The following DENND4C variants were observed in gnomAD, a reference collection of about 807,000 sequenced individuals.
The protein encoded by DENND4C is DENN domain containing 4C, also known as DENN domain-containing protein 4C.
A neutral mutation model predicts 203.0 loss-of-function variants in DENND4C; 108 were observed. That is an observed-to-expected ratio of 0.53 (90% CI 0.46 to 0.62). DENND4C has a LOEUF of 0.62. DENND4C is among the 20% of genes least tolerant of loss of function. The pLI is 0.00. For missense variants in DENND4C, 2,481 were observed against 2,301.2 expected, an observed-to-expected ratio of 1.08 and a Z score of -1.60; for synonymous variants, 871 against 792.4, an observed-to-expected ratio of 1.10 and a Z score of -1.67.
chr9:19,332,233 A>T, intron 17 of DENND4C, 49 bp downstream of exon 17: 1 of 1,560,042 alleles, frequency 6.4e-7, no homozygotes, highest in Middle Eastern at 1.7e-4. Context: ...TTATTTTTGT[A>T]CTTCTAATAA....
intron 5 of DENND4C, among the ~76,000 whole-genome samples, chr9:19,293,327 A>G (rs1836751201): frequency 6.6e-6 from 1 of 152,166 alleles, no homozygotes; most frequent in Non-Finnish European, 1.5e-5. Context: ...AAACTTTGAG[A>G]TCACTTTGAA....
At position 19,242,111 on chromosome 9, in the gene DENND4C, A is replaced by G. The variant is rs1191223830; in HGVS notation, c.-18+11278A>G. Among the ~76,000 whole-genome samples, 3 of 152,160 alleles carry G rather than the reference A, an allele frequency of 2.0e-5. No homozygotes were observed. The East Asian group carries it at 5.8e-4, about 29-fold the overall frequency. ...GCCTTTCCCCAAGCCCTTGGCAACT[A>G]CTGTTTTGTACTATTTCTATAGTTT... is the stretch of plus-strand genomic sequence containing the variant. On this transcript the variant is annotated intron_variant, in intron 1 of 32. Coordinates refer to ENST00000434457, the MANE Select transcript of DENND4C (RefSeq NM_001330640.2).
intron 1 of DENND4C, among the ~76,000 whole-genome samples, chr9:19,252,340 C>T (rs1331640949): frequency 6.6e-6 from 1 of 152,104 alleles, no homozygotes; most frequent in African/African-American, 2.4e-5. Flanking sequence ...AGGTTCCTCC[C>T]ATGACATGTG....
At chr9:19,342,400 G>C (rs533318253) in intron 21 of DENND4C, among the ~76,000 whole-genome samples, 6 of 152,156 alleles carry the variant, frequency 3.9e-5, no homozygotes, top group Non-Finnish European at 8.8e-5. Flanking sequence ...ATTCACTAAA[G>C]AACATTTATG....
At chr9:19,283,963 C>A (rs189013990) in intron 2 of DENND4C, among the ~76,000 whole-genome samples, 100 of 152,260 alleles carry the variant, frequency 6.6e-4, no homozygotes, top group Non-Finnish European at 1.0e-4. Flanking sequence ...TTGTCAGATT[C>A]ATTGGCTTTC....
At chr9:19,368,437 T>C (rs1828138674) in intron 30 of DENND4C, among the ~76,000 whole-genome samples, 1 of 152,104 alleles carries the variant, frequency 6.6e-6, no homozygotes, top group Non-Finnish European at 1.5e-5. Flanking sequence ...CCGAATTACG[T>C]TCCTTCTAAT....
At chr9:19,299,533 T>C (rs113092914) in intron 8 of DENND4C, among the ~76,000 whole-genome samples, 2,416 of 152,250 alleles carry the variant, frequency 0.016, 58 homozygotes, top group African/African-American at 0.055. Flanking sequence ...ACTTCCCTTT[T>C]CTTCTCATCT....
At chr9:19,255,179 G>T (rs556469608) in intron 1 of DENND4C, among the ~76,000 whole-genome samples, 23 of 152,056 alleles carry the variant, frequency 1.5e-4, no homozygotes, top group African/African-American at 5.3e-4. Flanking sequence ...GAGGCTGGAG[G>T]GCCACTTGAG....
At chr9:19,281,010 G>C (rs957657026) in intron 2 of DENND4C, among the ~76,000 whole-genome samples, 3 of 152,104 alleles carry the variant, frequency 2.0e-5, no homozygotes, top group African/African-American at 7.2e-5. Flanking sequence ...CGAAGTGCTG[G>C]GATTACAGGA....
Position 19,299,196 on chromosome 9 carries a change from CTTTGGTTAATTTATCT to C in DENND4C, c.1108-29_1108-14del. ...TTATCTCTTGGTTTGGTTAATTTAT[CTTTGGTTAATTTATCT>C]TTTTTTTTTTTTTAAGCTGTCAGTC... On this transcript the variant is annotated splice_polypyrimidine_tract_variant and intron_variant, in intron 7 of 32. Coordinates refer to ENST00000434457, the MANE Select transcript of DENND4C (RefSeq NM_001330640.2). The C allele has an allele frequency of 1.4e-6, 2 of 1,467,490 alleles. No individual in the cohort carries two copies. Among genetic ancestry groups the C allele is most frequent in the East Asian group, 5.1e-5 (2 of 39,180 alleles). 90.9% of individuals were successfully genotyped at this position (1,467,490 alleles called of 1,614,324 possible). A position where few individuals can be genotyped will look rare whatever the true frequency, so the allele number is the denominator to read the frequency against.
At chr9:19,362,301 A>G (rs774457489) in intron 30 of DENND4C, among the ~76,000 whole-genome samples, 1 of 152,134 alleles carries the variant, frequency 6.6e-6, no homozygotes, top group Non-Finnish European at 1.5e-5. Flanking sequence ...ACAAAGAGTT[A>G]AAGACATAAA....
In DENND4C at chr9:19,259,805, C is replaced by T. The variant is rs58810904; in HGVS notation, c.-17-16353C>T. Among the ~76,000 whole-genome samples, 293 of 152,190 alleles carry T rather than the reference C, an allele frequency of 1.9e-3. 3 individuals are homozygous for T. Among genetic ancestry groups the T allele is most frequent in the East Asian group, 0.013 (68 of 5,176 alleles). ...CAGGCGTCAGCCACCACGCCTGGCT[C>T]GAATGCCACATTTTCTTTATCCATT... is the stretch of plus-strand genomic sequence containing the variant. On this transcript the variant is annotated intron_variant, in intron 1 of 32. Transcript: ENST00000434457.
intron 1 of DENND4C, among the ~76,000 whole-genome samples, chr9:19,256,931 G>T (rs1249987270): frequency 6.6e-6 from 1 of 151,870 alleles, no homozygotes. Context: ...TTAGCCGGGC[G>T]TGGTGGCAGG....
At chr9:19,290,159 A>T (rs905641898) in intron 4 of DENND4C, among the ~76,000 whole-genome samples, 12 of 152,178 alleles carry the variant, frequency 7.9e-5, no homozygotes, top group African/African-American at 2.9e-4. Flanking sequence ...GTGGTTCTCA[A>T]AGTGTCACTT....
Position 19,352,082 on chromosome 9 carries a change from C to G in DENND4C, c.4505C>G (p.Pro1502Arg). 6.2e-7 allele frequency: 1 copy of G among 1,613,552 alleles called. No homozygotes were observed. ...GKLHYPTGEV[P>R]FPRGMKGQDF... is the part of the protein sequence containing the mutation. ...GTATATTCCTTTGTAGGTGAAGTTCCATTTCCAAGAGGCATGAAAGGGCAA... is the reference window on the plus strand; with the variant it reads ...GTATATTCCTTTGTAGGTGAAGTTCGATTTCCAAGAGGCATGAAAGGGCAA... The change falls in exon 25 of 33, where the codon CCA (proline) becomes CGA (arginine). Residue 1502 changes from proline to arginine, a missense_variant. Pro to Arg is a moderately radical substitution (Grantham distance 103). Transcript: ENST00000434457.
intron 1 of DENND4C, among the ~76,000 whole-genome samples, chr9:19,253,779 A>C (rs1827242440): frequency 6.6e-6 from 1 of 152,110 alleles, no homozygotes; most frequent in African/African-American, 2.4e-5. Flanking sequence ...CAGTGCATTT[A>C]GTCTTGTAAT....
rs1252541555 is a variant in DENND4C, at chr9:19,347,067, A to G, written c.4298A>G (p.Tyr1433Cys). The change falls in exon 23 of 33, where the codon TAC becomes TGC. Residue 1433 changes from tyrosine to cysteine, a missense_variant. Tyr to Cys is a radical substitution (Grantham distance 194, BLOSUM62 -2). Coordinates refer to ENST00000434457, the MANE Select transcript of DENND4C (RefSeq NM_001330640.2). ...SKMWVAVASAYSYSDDEEETN... is the reference protein window; with the variant it reads ...SKMWVAVASACSYSDDEEETN... ...ATGTGGGTAGCTGTTGCGTCTGCCT[A>G]CAGCTACTCAGATGATGAGGTAAGA... The G allele has an allele frequency of 1.2e-6, 2 of 1,613,424 alleles. No homozygotes were observed. The highest frequency in any genetic ancestry group is 1.1e-5 in the South Asian group (1 of 91,074).
chr9:19,329,357 T>A (rs1251179307), intron 16 of DENND4C, among the ~76,000 whole-genome samples: 1 of 152,204 alleles, frequency 6.6e-6, no homozygotes, highest in East Asian at 1.9e-4. Flanking sequence ...AGTGTAACAT[T>A]TCAGGATTCA....
intron 1 of DENND4C, among the ~76,000 whole-genome samples, chr9:19,231,607 C>G (rs1820583498): frequency 6.6e-6 from 1 of 150,736 alleles, no homozygotes; most frequent in Non-Finnish European, 1.5e-5. Context: ...CGTCTTTTAT[C>G]TGCACTAATA....
Sources: allele counts gnomAD v4.1 joint callset (sites outside exome capture counted in the v4.1 genomes callset), GRCh38; gene constraint gnomAD v4.1.1; transcripts MANE v1.5; gene names NCBI Gene and HGNC (gene_info 2026-07-23, HGNC 2026-07-21).